Variants in DLC1 observed in about 807,000 individuals in gnomAD.
DLC1 encodes the protein DLC1 Rho GTPase activating protein.
A neutral mutation model predicts 140.3 loss-of-function variants in DLC1; 54 were observed. The ratio of observed to expected loss-of-function variants is 0.38; its 90% confidence interval spans 0.31 to 0.48. The LOEUF (loss-of-function observed/expected upper bound fraction) is 0.48, where lower values mean the gene tolerates loss of function less well. Ranked by LOEUF, DLC1 falls within the 20% of genes least tolerant of loss-of-function variation. DLC1 has a pLI of 0.96. For missense variants in DLC1, 2,536 were observed against 1,907.0 expected, an observed-to-expected ratio of 1.33 and a Z score of -6.14; for synonymous variants, 986 against 728.1, an observed-to-expected ratio of 1.35 and a Z score of -5.70.
intron 5 of DLC1, among the ~76,000 whole-genome samples, chr8:13,247,741 G>A (rs996355626): frequency 3.9e-5 from 6 of 152,178 alleles, no homozygotes; most frequent in African/African-American, 1.4e-4. Context: ...GATCAAACAA[G>A]TGCAAAAAAT....
At chr8:13,145,125 A>G (rs1823321066) in intron 5 of DLC1, among the ~76,000 whole-genome samples, 1 of 152,206 alleles carries the variant, frequency 6.6e-6, no homozygotes, top group Non-Finnish European at 1.5e-5. Context: ...GAAAATTTTA[A>G]AATTCCAAAT....
chr8:13,453,509 TATATAC>T (rs1401663871), intron 2 of DLC1, among the ~76,000 whole-genome samples: 4 of 32,836 alleles, frequency 1.2e-4, no homozygotes, highest in East Asian at 7.2e-4. Context: ...TATGTATATA[TATATAC>T]ATATATATAT....
At chr8:13,579,522 T>TCA (rs1804999966) in intron 1 of DLC1, among the ~76,000 whole-genome samples, 1 of 114,476 alleles carries the variant, frequency 8.7e-6, no homozygotes, top group African/African-American at 3.5e-5. Flanking sequence ...ATTTAATATA[T>TCA]TATATTTTAT....
chr8:13,100,226 T>C lies in DLC1; in HGVS notation c.2111A>G (p.Asp704Gly). ...GTTGAGCTGCTTCAGCTTCTCCTCA[T>C]CCATCCCCTCTTGCAAGATGGGCCC... is the stretch of plus-strand genomic sequence containing the variant. ...ISGPILQEGMDEEKLKQLNCV... is the reference protein window; with the variant it reads ...ISGPILQEGMGEEKLKQLNCV... Residue 704 changes from aspartate (D) to glycine (G), a missense_variant, in exon 9 of 18, where the codon GAT (aspartate) becomes GGT (glycine). Coordinates refer to ENST00000276297, the MANE Select transcript of DLC1 (RefSeq NM_182643.3). 4.3e-6 allele frequency: 7 copies of C among 1,614,160 alleles called. No individual in the cohort carries two copies. The highest frequency in any genetic ancestry group is 5.1e-6 in the Non-Finnish European group (6 of 1,180,036).
chr8:13,527,576 T>C (rs1472961338), intron 1 of DLC1, among the ~76,000 whole-genome samples: 1 of 152,166 alleles, frequency 6.6e-6, no homozygotes, highest in Non-Finnish European at 1.5e-5. Context: ...CTAATTTACT[T>C]CCATTATGGT....
intron 1 of DLC1, among the ~76,000 whole-genome samples, chr8:13,586,409 GGCTCATA>G (rs1177303498): frequency 2.0e-5 from 3 of 152,072 alleles, no homozygotes; most frequent in African/African-American, 7.2e-5. Flanking sequence ...AGTCAAAGAT[GGCTCATA>G]CGTTCTCATT....
At chr8:13,122,501 A>G (rs983319652) in intron 5 of DLC1, among the ~76,000 whole-genome samples, 1 of 152,142 alleles carries the variant, frequency 6.6e-6, no homozygotes, top group Non-Finnish European at 1.5e-5. Context: ...AAGAAAAAAA[A>G]AAATCTATTA....
At chr8:13,249,434 C>G (rs1469794084) in intron 5 of DLC1, among the ~76,000 whole-genome samples, 5 of 152,126 alleles carry the variant, frequency 3.3e-5, no homozygotes, top group Non-Finnish European at 5.9e-5. Context: ...AGAGTTGAGA[C>G]TATTGGTATC....
At chr8:13,437,994 T>C (rs113632588) in intron 2 of DLC1, among the ~76,000 whole-genome samples, 1 of 151,458 alleles carries the variant, frequency 6.6e-6, no homozygotes, top group African/African-American at 2.4e-5. Flanking sequence ...TGAAATCTTA[T>C]ATAATTCATG....
chr8:13,249,261 T>A (rs1171351348), intron 5 of DLC1, among the ~76,000 whole-genome samples: 1 of 152,108 alleles, frequency 6.6e-6, no homozygotes, highest in African/African-American at 2.4e-5. Flanking sequence ...GTATTTTTAG[T>A]AGAGACGAGT....
At chr8:13,572,003 T>A (rs1441401692) in intron 1 of DLC1, among the ~76,000 whole-genome samples, 1 of 152,162 alleles carries the variant, frequency 6.6e-6, no homozygotes, top group Non-Finnish European at 1.5e-5. Context: ...TTTGTGTATC[T>A]CATTTAGCAA....
intron 5 of DLC1, among the ~76,000 whole-genome samples, chr8:13,146,001 G>C (rs1278538298): frequency 1.3e-5 from 2 of 152,034 alleles, no homozygotes; most frequent in Admixed American, 6.6e-5. Context: ...CTGTAGGGCC[G>C]GGCGCAGTGG....
intron 4 of DLC1, among the ~76,000 whole-genome samples, chr8:13,321,949 T>A (rs1356523477): frequency 1.3e-5 from 2 of 152,154 alleles, no homozygotes; most frequent in Non-Finnish European, 2.9e-5. Flanking sequence ...AGTATCTGGG[T>A]AAAAATTCCA....
At position 13,401,447 on chromosome 8, in the gene DLC1, G is replaced by T. The variant is rs767027356; in HGVS notation, c.1173+23C>A. The T allele has an allele frequency of 7.4e-6, 12 of 1,610,810 alleles. No individual in the cohort carries two copies. The East Asian group carries it at 2.0e-4, about 27-fold the overall frequency. ...AAGAGTTACGACTCCTATGGGAAAA[G>T]AAGTAGAAAGTGGAAAGCTCACAGG... On this transcript the variant is annotated intron_variant, in intron 3 of 17. Coordinates refer to ENST00000276297, the MANE Select transcript of DLC1 (RefSeq NM_182643.3).
intron 6 of DLC1, among the ~76,000 whole-genome samples, chr8:13,114,751 T>G (rs1820404814): frequency 6.6e-6 from 1 of 152,148 alleles, no homozygotes; most frequent in South Asian, 2.1e-4. Flanking sequence ...GTGACATGAA[T>G]AAATGCTCAT....
At chr8:13,450,937 G>A (rs996710485) in intron 2 of DLC1, among the ~76,000 whole-genome samples, 3 of 149,514 alleles carry the variant, frequency 2.0e-5, no homozygotes, top group Admixed American at 6.7e-5. Flanking sequence ...TACTCTGGAG[G>A]CTGAGGCAGG....
chr8:13,564,153 C>A (rs1268172239), intron 1 of DLC1, among the ~76,000 whole-genome samples: 1 of 151,904 alleles, frequency 6.6e-6, no homozygotes, highest in African/African-American at 2.4e-5. Context: ...ATTCACAAGG[C>A]AATTAATCAA....
chr8:13,413,594 G>C, intron 2 of DLC1, among the ~76,000 whole-genome samples: 1 of 151,942 alleles, frequency 6.6e-6, no homozygotes, highest in Middle Eastern at 3.2e-3. Flanking sequence ...CATCTCCCCA[G>C]GTGTTGAGGG....
chr8:13,120,352 A>ATATATATAT (rs199638260), intron 5 of DLC1, among the ~76,000 whole-genome samples: 1 of 26,506 alleles, frequency 3.8e-5, no homozygotes, highest in African/African-American at 5.2e-5. Flanking sequence ...CAAAAAAAAA[A>ATATATATAT]AAAAATATAT....
Sources: gnomAD v4.1 joint callset for allele counts (sites outside exome capture counted in the v4.1 genomes callset) on GRCh38, gnomAD v4.1.1 for gene constraint, MANE v1.5 for transcripts, NCBI Gene and HGNC (gene_info 2026-07-23, HGNC 2026-07-21) for gene names.